Variants in INPP4A observed in about 807,000 individuals in gnomAD.
The protein encoded by INPP4A is inositol polyphosphate-4-phosphatase type I A.
A neutral mutation model predicts 119.8 loss-of-function variants in INPP4A; 33 were observed. The ratio of observed to expected loss-of-function variants is 0.28; its 90% CI spans 0.21 to 0.37. The LOEUF (loss-of-function observed/expected upper bound fraction) is 0.37, where lower values mean the gene tolerates loss of function less well. Among genes scored for constraint, INPP4A ranks in the 10% least tolerant of loss-of-function variants. The pLI is 1.00. For synonymous variants in INPP4A, 496 were observed against 500.7 expected, an observed-to-expected ratio of 0.99 and a Z score of 0.12; for missense variants, 956 against 1,289.9, an observed-to-expected ratio of 0.74 and a Z score of 3.97.
chr2:98,491,374 A>G (rs1313902965), intron 1 of INPP4A, among the ~76,000 whole-genome samples: 3 of 152,162 alleles, frequency 2.0e-5, no homozygotes, highest in Non-Finnish European at 4.4e-5. Context: ...CTGAGTCCCC[A>G]TTTACACCCC....
chr2:98,517,460 G>A (rs918191734), intron 1 of INPP4A, among the ~76,000 whole-genome samples: 4 of 152,126 alleles, frequency 2.6e-5, no homozygotes, highest in Admixed American at 6.5e-5. Context: ...GACTATTTAC[G>A]CTCTACCAGT....
At chr2:98,542,523 T>A (rs1691657633) in intron 10 of INPP4A, among the ~76,000 whole-genome samples, 1 of 152,260 alleles carries the variant, frequency 6.6e-6, no homozygotes, top group South Asian at 2.1e-4. Context: ...TTTTAGTGTT[T>A]ACTGATGTAT....
intron 1 of INPP4A, among the ~76,000 whole-genome samples, chr2:98,518,447 C>T (rs1039428109): frequency 2.0e-5 from 3 of 152,272 alleles, no homozygotes; most frequent in Non-Finnish European, 2.9e-5. Flanking sequence ...GCCCTGTGGC[C>T]TGCCAAACAG....
intron 4 of INPP4A, among the ~76,000 whole-genome samples, chr2:98,522,556 A>G (rs1407769341): frequency 6.6e-6 from 1 of 152,152 alleles, no homozygotes; most frequent in African/African-American, 2.4e-5. Context: ...GAGTAAATCC[A>G]GAAGGTCCGA....
chr2:98,487,396 CTTAT>C (rs1227935571), intron 1 of INPP4A, among the ~76,000 whole-genome samples: 1 of 152,020 alleles, frequency 6.6e-6, no homozygotes, highest in African/African-American at 2.4e-5. Context: ...TTTATTTTAT[CTTAT>C]TTATTTATTT....
intron 23 of INPP4A, among the ~76,000 whole-genome samples, chr2:98,575,107 CTCT>C (rs1553519234): frequency 1.3e-5 from 2 of 152,204 alleles, no homozygotes; most frequent in Non-Finnish European, 2.9e-5. Flanking sequence ...CCTTTTCAGG[CTCT>C]TATTTCTTTT....
rs13402379 is a variant in INPP4A, at chr2:98,592,851, G to A, written c.*5243G>A. On this transcript the variant is annotated 3_prime_UTR_variant, in exon 25 of 25. Transcript: ENST00000409851. ...GTCTGGTGGCCAAATGATGACTTTTGAGTGGGAAAAGCTGGTGGGGGCTAC... is the reference window on the plus strand; with the variant it reads ...GTCTGGTGGCCAAATGATGACTTTTAAGTGGGAAAAGCTGGTGGGGGCTAC... The A allele has an allele frequency of 0.3, 45,284 of 152,314 alleles. 7,071 individuals carry two copies. The highest frequency in any genetic ancestry group is 0.39 in the African/African-American group (16,256 of 41,480). The allele number at this position is 152,314 out of a possible 1,614,324, so 9.4% of individuals were successfully genotyped here.
intron 24 of INPP4A, among the ~76,000 whole-genome samples, chr2:98,584,300 C>T (rs1473818285): frequency 6.6e-6 from 1 of 152,272 alleles, no homozygotes; most frequent in African/African-American, 2.4e-5. Context: ...TACACAGCTT[C>T]CTGGTCCTGC....
intron 1 of INPP4A, among the ~76,000 whole-genome samples, chr2:98,504,649 A>G (rs539739234): frequency 6.6e-6 from 1 of 152,206 alleles, no homozygotes; most frequent in Non-Finnish European, 1.5e-5. Flanking sequence ...CTTCACATTT[A>G]TAGCCCTTTA....
rs1700362241 is a variant in INPP4A at position 98,590,928 on chromosome 2, G to C, written c.*3320G>C. The C allele has an allele frequency of 4.3e-6, 1 of 231,424 alleles. No individual in the cohort carries two copies. Among genetic ancestry groups the C allele is most frequent in the Non-Finnish European group, 8.5e-6 (1 of 117,042 alleles). The allele number at this position is 231,424 out of a possible 1,614,324, so 14.3% of individuals were successfully genotyped here. ...TGATTCCTTGATTACTGTGAACACT[G>C]AACATCTTTTATACCTTTATGATAT... On this transcript the variant is annotated 3_prime_UTR_variant, in exon 25 of 25. Coordinates refer to ENST00000409851, the MANE Select transcript of INPP4A (RefSeq NM_001134225.2).
chr2:98,511,333 C>T (rs1319928672), intron 1 of INPP4A, among the ~76,000 whole-genome samples: 1 of 152,222 alleles, frequency 6.6e-6, no homozygotes, highest in African/African-American at 2.4e-5. Context: ...GCTGGGATTA[C>T]TGGGCCCCTG....
chr2:98,563,562 C>T lies in INPP4A; in HGVS notation c.1953C>T (p.Leu651=). 2 of 1,613,858 alleles carry T rather than the reference C, an allele frequency of 1.2e-6. No individual in the cohort carries two copies. Among genetic ancestry groups the T allele is most frequent in the African/African-American group, 1.3e-5 (1 of 75,050 alleles). ...DKAKKAMVFL[L]MQDSAPTIAT... ...CCAAGAAGGCCATGGTATTCCTGCT[C>T]ATGCAGGACAGCGCGCCCACCATAG... Residue 651 remains leucine (L), a synonymous_variant, in exon 18 of 25, where the codon CTC becomes CTT. Coordinates refer to ENST00000409851, the MANE Select transcript of INPP4A (RefSeq NM_001134225.2).
chr2:98,545,856 C>A, intron 11 of INPP4A, 113 bp from the exon 12 acceptor site: 2 of 715,384 alleles, frequency 2.8e-6, no homozygotes, highest in Non-Finnish European at 2.3e-6. Context: ...TAGGCCACTG[C>A]CGACATACCT....
In INPP4A at chr2:98,543,959, A is replaced by G. The variant is rs1157538357; in HGVS notation, c.901A>G (p.Ile301Val). 2 of 1,593,460 alleles carry G rather than the reference A, an allele frequency of 1.3e-6. No individual in the cohort carries two copies. Among genetic ancestry groups the G allele is most frequent in the South Asian group, 1.1e-5 (1 of 87,914 alleles). The change falls in exon 11 of 25, where the codon ATC becomes GTC. Residue 301 changes from isoleucine to valine, a missense_variant. Ile to Val is a conservative substitution (Grantham distance 29). Around this residue, in one of 2 missense-constraint regions of INPP4A, gnomAD observed 652 missense variants for 797.9 expected, o/e 0.82. Coordinates refer to ENST00000409851, the MANE Select transcript of INPP4A (RefSeq NM_001134225.2). ...RRQIVTQYQTIILTYQENLTD... is the reference protein window; with the variant it reads ...RRQIVTQYQTVILTYQENLTD... ...CCAAATTGTCACCCAGTACCAGACCATCATCCTCACATACCAGGAGAACCT... is the reference window on the plus strand; with the variant it reads ...CCAAATTGTCACCCAGTACCAGACCGTCATCCTCACATACCAGGAGAACCT...
rs1169103700 is a variant in INPP4A, at chr2:98,587,540, C to T, written c.2851C>T (p.Leu951=). ...VGSRKYAFNS[L]QLKAFPKHYR... ...AAGTCGCAAATATGCATTTAATTCC[C>T]TGCAGCTGAAGGCTTTCCCCAAGCA... Residue 951 remains leucine (L), a synonymous_variant, in exon 25 of 25, where the codon CTG becomes TTG. Coordinates refer to ENST00000409851, the MANE Select transcript of INPP4A (RefSeq NM_001134225.2). 1.2e-6 allele frequency: 2 copies of T among 1,610,094 alleles called. No individual in the cohort carries two copies. Among genetic ancestry groups the T allele is most frequent in the East Asian group, 2.2e-5 (1 of 44,786 alleles).
At chr2:98,460,364 G>C (rs1255595050) in intron 1 of INPP4A, among the ~76,000 whole-genome samples, 1 of 151,990 alleles carries the variant, frequency 6.6e-6, no homozygotes, top group Admixed American at 6.5e-5. Flanking sequence ...TAAATGAGGA[G>C]GGACTGGGGC....
At chr2:98,555,471 C>T in intron 15 of INPP4A, 82 bp from the exon 16 acceptor site, 1 of 1,431,488 alleles carries the variant, frequency 7.0e-7, no homozygotes. Context: ...GGCAGGGGAT[C>T]AGTGGAGGGC....
chr2:98,557,694 A>G (rs1339681613), intron 16 of INPP4A, among the ~76,000 whole-genome samples: 1 of 152,226 alleles, frequency 6.6e-6, no homozygotes, highest in Non-Finnish European at 1.5e-5. Context: ...GCCCTGCCTC[A>G]GAGCTGCCCT....
In INPP4A at chr2:98,538,918, A is replaced by G. The variant is rs983437006; in HGVS notation, c.607A>G (p.Thr203Ala). ...RMVLPVDESL[T>A]EALGIRSKYA... ...GGTTCTTCCTGTCGATGAGAGCTTG[A>G]CGGAGGCGTTAGGAATCCGATCCAA... The change falls in exon 9 of 25, where the codon ACG (threonine) becomes GCG (alanine). Residue 203 changes from threonine to alanine, a missense_variant. This residue lies in a region of INPP4A where 652 missense variants were observed against 797.9 expected (regional missense o/e 0.82). Coordinates refer to ENST00000409851, the MANE Select transcript of INPP4A (RefSeq NM_001134225.2). 3 of 1,610,974 alleles carry G rather than the reference A, an allele frequency of 1.9e-6. No homozygotes were observed. The highest frequency in any genetic ancestry group is 2.5e-6 in the Non-Finnish European group (3 of 1,177,666).
Sources: gnomAD v4.1 joint callset for allele counts (sites outside exome capture counted in the v4.1 genomes callset) on GRCh38, gnomAD v4.1.1 for gene constraint, gnomAD v4.1.1 regional missense constraint, MANE v1.5 for transcripts, NCBI Gene and HGNC (gene_info 2026-07-23, HGNC 2026-07-21) for gene names.